The following DNAH3 variants were observed in gnomAD, a reference collection of about 807,000 sequenced individuals.
The protein encoded by DNAH3 is axonemal beta dynein heavy chain 3.
In DNAH3, 332 loss-of-function variants were observed where a neutral mutation model predicts 432.5. That is an observed-to-expected ratio of 0.77 (90% CI 0.70 to 0.84). The LOEUF (loss-of-function observed/expected upper bound fraction) is 0.84, where lower values mean the gene tolerates loss of function less well. Ranked by LOEUF, DNAH3 falls within the 40% of genes least tolerant of loss-of-function variation. The pLI is 0.00. For synonymous variants in DNAH3, 1,956 were observed against 1,900.2 expected (o/e 1.03, Z -0.76); for missense variants, 4,861 against 5,114.0 (o/e 0.95, Z 1.51).
chr16:21,141,342 T>C (rs764977260), exon 4 of DNAH3: 1 of 1,592,280 alleles, frequency 6.3e-7, no homozygotes, highest in South Asian at 1.1e-5. Flanking sequence ...CTTCGTTTTT[T>C]TCCTCATGGG....
rs9936218 is a variant in DNAH3, at chr16:21,060,577, T to A, written c.3721-221A>T. Among the ~76,000 whole-genome samples, 989 of 137,826 alleles carry A rather than the reference T, an allele frequency of 7.2e-3. 14 individuals are homozygous for A. The highest frequency in any genetic ancestry group is 0.025 in the African/African-American group (945 of 37,178). The allele number at this position is 137,826 out of a possible 152,430, so 90.4% of individuals were successfully genotyped here. A position where few individuals can be genotyped will look rare whatever the true frequency, so the allele number is the denominator to read the frequency against. On this transcript the variant is annotated intron_variant, in intron 25 of 61. Transcript: ENST00000261383. ...GTCTCGCTCTGTCACCAGGCTGGAG[T>A]GCACTGTCATGATCTTGGCTCACTG...
chr16:20,990,002 C>T (rs1183385831), intron 44 of DNAH3, among the ~76,000 whole-genome samples: 1 of 152,226 alleles, frequency 6.6e-6, no homozygotes, highest in African/African-American at 2.4e-5. Flanking sequence ...CGCGCAGCCC[C>T]GGTTCCCACT....
intron 22 of DNAH3, 56 bp downstream of exon 22, chr16:21,070,654 T>G: frequency 8.6e-7 from 1 of 1,163,050 alleles, no homozygotes; most frequent in East Asian, 2.4e-5. Flanking sequence ...TCCCCTCCTC[T>G]GAGAAACCCA....
intron 7 of DNAH3, among the ~76,000 whole-genome samples, chr16:21,130,262 G>A (rs1302532236): frequency 1.3e-5 from 2 of 151,388 alleles, no homozygotes; most frequent in African/African-American, 2.4e-5. Context: ...GCTGGATAAG[G>A]AAGAGCGGAA....
At chr16:21,154,237 C>T (rs556211657) in intron 1 of DNAH3, among the ~76,000 whole-genome samples, 1 of 152,156 alleles carries the variant, frequency 6.6e-6, no homozygotes, top group African/African-American at 2.4e-5. Flanking sequence ...AACCCCGTCT[C>T]TACTAAAAAT....
In DNAH3 at chr16:21,154,550, C is replaced by A. The variant is rs531756440; in HGVS notation, c.117+4775G>T. Among the ~76,000 whole-genome samples the A allele has an allele frequency of 2.0e-5, 3 of 152,284 alleles. No individual in the cohort carries two copies. In the South Asian group the frequency reaches 6.2e-4, roughly 32 times the overall value. ...CTATCAAAACAATACTAATGGCTTT[C>A]GCTTATTGAGCATATACTATGCCCT... is the stretch of plus-strand genomic sequence containing the variant. On this transcript the variant is annotated intron_variant, in intron 1 of 61. Coordinates refer to ENST00000261383, the Ensembl canonical transcript of DNAH3.
At chr16:21,032,955 T>G (rs2088963935) in intron 36 of DNAH3, among the ~76,000 whole-genome samples, 1 of 152,004 alleles carries the variant, frequency 6.6e-6, no homozygotes, top group Non-Finnish European at 1.5e-5. Context: ...AAATATTTTA[T>G]ATTTTATTAT....
intron 11 of DNAH3, among the ~76,000 whole-genome samples, chr16:21,119,563 G>C (rs1335564379): frequency 6.6e-6 from 1 of 151,542 alleles, no homozygotes; most frequent in Non-Finnish European, 1.5e-5. Flanking sequence ...CTGGGAGGTA[G>C]AGGTTGCCTC....
At chr16:21,133,311 C>T (rs1248302945) in intron 7 of DNAH3, among the ~76,000 whole-genome samples, 8 of 139,850 alleles carry the variant, frequency 5.7e-5, no homozygotes, top group Admixed American at 4.8e-4. Context: ...TGCAGTGAAT[C>T]GAGATTATGC....
intron 32 of DNAH3, among the ~76,000 whole-genome samples, chr16:21,041,214 T>A (rs1463141295): frequency 6.6e-6 from 1 of 151,838 alleles, no homozygotes; most frequent in Non-Finnish European, 1.5e-5. Context: ...CTACTAAAAA[T>A]ACAAAAATTA....
intron 5 of DNAH3, among the ~76,000 whole-genome samples, chr16:21,139,898 G>A (rs2152828091): frequency 6.7e-6 from 1 of 149,718 alleles, no homozygotes; most frequent in South Asian, 2.1e-4. Flanking sequence ...TCCTGCCTCA[G>A]CCTCCCGAGT....
chr16:21,113,384 C>A (rs2092116710), intron 12 of DNAH3, among the ~76,000 whole-genome samples: 1 of 152,156 alleles, frequency 6.6e-6, no homozygotes, highest in Non-Finnish European at 1.5e-5. Flanking sequence ...CACAAACATA[C>A]CCAGGATTAA....
At chr16:20,984,634 C>T (rs1212770274) in intron 48 of DNAH3, among the ~76,000 whole-genome samples, 1 of 152,112 alleles carries the variant, frequency 6.6e-6, no homozygotes, top group Non-Finnish European at 1.5e-5. Flanking sequence ...CTTCGGGAGG[C>T]CGAGGCGGGC....
intron 9 of DNAH3, among the ~76,000 whole-genome samples, chr16:21,124,872 A>T (rs2092415477): frequency 6.6e-6 from 1 of 152,040 alleles, no homozygotes; most frequent in African/African-American, 2.4e-5. Flanking sequence ...CTGGTCTTGA[A>T]CTTCTGACGT....
chr16:20,997,349 C>T (rs1361982478), exon 44 of DNAH3: 1 of 1,614,196 alleles, frequency 6.2e-7, no homozygotes, highest in East Asian at 2.2e-5. Context: ...TCCACGATGT[C>T]CAGCCTGGTT....
At chr16:21,108,126 C>G (rs772737359) in intron 14 of DNAH3, among the ~76,000 whole-genome samples, 5 of 152,176 alleles carry the variant, frequency 3.3e-5, no homozygotes, top group Non-Finnish European at 7.3e-5. Flanking sequence ...CCCGCCTCGG[C>G]CTCCCAAAGT....
At chr16:21,112,806 G>A (rs1303079551) in intron 12 of DNAH3, among the ~76,000 whole-genome samples, 3 of 152,144 alleles carry the variant, frequency 2.0e-5, no homozygotes, top group African/African-American at 7.2e-5. Flanking sequence ...TAACCTGGAT[G>A]TGAGACCTGG....
At chr16:21,104,143 T>C (rs1403953271) in intron 16 of DNAH3, 1 of 247,084 alleles carries the variant, frequency 4.0e-6, no homozygotes, top group Non-Finnish European at 8.0e-6. Context: ...TGGTCTCCAA[T>C]GTAAGGCTGA....
At chr16:21,145,476 A>G in intron 2 of DNAH3, 70 bp from the exon 4 acceptor site, 3 of 1,349,694 alleles carry the variant, frequency 2.2e-6, no homozygotes, top group Non-Finnish European at 3.2e-6. Flanking sequence ...CTCTGCTCAC[A>G]CTGAGGCTCA....
Sources: allele counts gnomAD v4.1 joint callset (sites outside exome capture counted in the v4.1 genomes callset), GRCh38; gene constraint gnomAD v4.1.1; transcripts MANE v1.5; gene names NCBI Gene and HGNC (gene_info 2026-07-23, HGNC 2026-07-21).